The following SPP1 variants were observed in gnomAD, a reference collection of about 807,000 sequenced individuals.
The protein encoded by SPP1 is secreted phosphoprotein 1.
Under a neutral mutation model 20.8 loss-of-function variants are expected in SPP1, and 18 were observed. The ratio of observed to expected loss-of-function variants is 0.87; its 90% CI spans 0.60 to 1.29. The LOEUF (loss-of-function observed/expected upper bound fraction) is 1.29, where lower values mean the gene tolerates loss of function less well. SPP1 is among the 50% of genes most tolerant of loss of function. The probability of loss-of-function intolerance (pLI) is 0.00; values close to 1 mark genes in which losing one functional copy is unlikely to be tolerated. For synonymous variants in SPP1, 146 were observed against 141.5 expected (o/e 1.03, Z -0.23); for missense variants, 363 against 389.0 (o/e 0.93, Z 0.56).
chr4:87,982,486 A>C lies in SPP1; in HGVS notation c.541-6A>C, dbSNP rs557791334. ...ATAATTATTCTTCATTTGTGCCGTG[A>C]TTCAGTACCCTGATGCTACAGACGA... On this transcript the variant is annotated splice_region_variant and splice_polypyrimidine_tract_variant and intron_variant, in intron 6 of 6. Coordinates refer to ENST00000395080, the MANE Select transcript of SPP1 (RefSeq NM_001040058.2). The C allele has an allele frequency of 6.2e-7, 1 of 1,610,750 alleles. No homozygotes were observed. Among genetic ancestry groups the C allele is most frequent in the East Asian group, 2.2e-5 (1 of 44,804 alleles).
chr4:87,976,751 C>A, intron 1 of SPP1, 131 bp from the exon 2 acceptor site: 1 of 586,718 alleles, frequency 1.7e-6, no homozygotes, highest in Non-Finnish European at 2.9e-6. Context: ...GAAAAGGCAT[C>A]TCTAAGAAGT....
intron 3 of SPP1, among the ~76,000 whole-genome samples, chr4:87,979,787 AAT>A (rs552034411): frequency 4.6e-5 from 7 of 152,180 alleles, no homozygotes; most frequent in Non-Finnish European, 1.0e-4. Context: ...TGGGAATAAT[AAT>A]GATACCTATC....
chr4:87,976,728 A>G (rs2853750), intron 1 of SPP1, among the ~76,000 whole-genome samples, 154 bp from the exon 2 acceptor site: 8,873 of 152,276 alleles, frequency 0.058, 602 homozygotes, highest in East Asian at 0.36. Flanking sequence ...TTGAAAGACT[A>G]TAATACTAAA....
intron 3 of SPP1, chr4:87,977,940 C>T (rs1335936671): frequency 1.2e-6 from 1 of 862,028 alleles, no homozygotes. Context: ...AATAATAAAC[C>T]AGAAAAATTA....
chr4:87,976,044 C>T (rs183901525), intron 1 of SPP1, among the ~76,000 whole-genome samples: 1 of 152,110 alleles, frequency 6.6e-6, no homozygotes, highest in Non-Finnish European at 1.5e-5. Context: ...CGGAAACCAC[C>T]GATGCTAATC....
At chr4:87,982,142 A>T (rs1327409427) in intron 6 of SPP1, among the ~76,000 whole-genome samples, 1 of 152,170 alleles carries the variant, frequency 6.6e-6, no homozygotes, top group African/African-American at 2.4e-5. Flanking sequence ...GTTGCAAATT[A>T]CACTGAATCC....
chr4:87,981,302 A>G (rs1725628199), intron 5 of SPP1, among the ~76,000 whole-genome samples, 173 bp from the exon 6 acceptor site: 2 of 152,236 alleles, frequency 1.3e-5, no homozygotes, highest in African/African-American at 4.8e-5. Context: ...TCCCTGTGTT[A>G]AAAGAGAAAT....
chr4:87,977,751 G>C (rs1268079475), intron 3 of SPP1: 1 of 1,285,248 alleles, frequency 7.8e-7, no homozygotes, highest in South Asian at 1.2e-5. Context: ...TGGACAAAAA[G>C]GCACACAGAG....
chr4:87,976,886 A>G lies in SPP1; in HGVS notation c.-10A>G, dbSNP rs779017250. 18 of 1,612,108 alleles carry G rather than the reference A, an allele frequency of 1.1e-5. No individual in the cohort carries two copies. In the African/African-American group the frequency reaches 2.0e-4, roughly 18 times the overall value. On this transcript the variant is annotated 5_prime_UTR_variant, in exon 2 of 7. Coordinates refer to ENST00000395080, the MANE Select transcript of SPP1 (RefSeq NM_001040058.2). ...TCCTTATGAAATATTTTGCAGGAAA[A>G]CTCACTACCATGAGAATTGCAGTGA...
intron 5 of SPP1, chr4:87,980,711 T>G: frequency 2.4e-6 from 1 of 423,542 alleles, no homozygotes; most frequent in Non-Finnish European, 4.1e-6. Context: ...ATCTAATATC[T>G]AATAAGCATC....
At chr4:87,979,910 A>AC (rs2110068266) in intron 3 of SPP1, 136 bp from the exon 4 acceptor site, 1 of 790,066 alleles carries the variant, frequency 1.3e-6, no homozygotes, top group Non-Finnish European at 2.0e-6. Flanking sequence ...TCTGCAAAAA[A>AC]AAAAAAATTA....
At chr4:87,979,086 G>A (rs897802675) in intron 3 of SPP1, among the ~76,000 whole-genome samples, 6 of 151,892 alleles carry the variant, frequency 4.0e-5, no homozygotes, top group African/African-American at 1.5e-4. Context: ...TTTCTACATT[G>A]GCTGATAAGA....
At position 87,982,542 on chromosome 4, in the gene SPP1, G is replaced by C; in HGVS notation, c.591G>C (p.Glu197Asp). The C allele has an allele frequency of 1.2e-6, 2 of 1,614,172 alleles. No individual in the cohort carries two copies. The highest frequency in any genetic ancestry group is 8.5e-7 in the Non-Finnish European group (1 of 1,180,038). ...TCACCTCACACATGGAAAGCGAGGA[G>C]TTGAATGGTGCATACAAGGCCATCC... ...EDITSHMESE[E>D]LNGAYKAIPV... The change falls in exon 7 of 7, where the codon GAG becomes GAC. Residue 197 changes from glutamate to aspartate, a missense_variant. Physicochemically the swap from Glu to Asp is conservative, Grantham distance 45. Transcript: ENST00000395080.
chr4:87,977,253 C>T (rs1219770719), intron 3 of SPP1, among the ~76,000 whole-genome samples, 156 bp downstream of exon 3: 1 of 152,120 alleles, frequency 6.6e-6, no homozygotes, highest in African/African-American at 2.4e-5. Context: ...TAGGCCAGTA[C>T]CAAGCACAGT....
rs1280338839 is a variant in SPP1, at chr4:87,983,095, TCAGGGTTA to T, written c.*200_*207del. 1 of 565,394 alleles carries T rather than the reference TCAGGGTTA, an allele frequency of 1.8e-6. No homozygotes were observed. Among genetic ancestry groups the T allele is most frequent in the Non-Finnish European group, 3.1e-6 (1 of 327,484 alleles). 35.0% of individuals were successfully genotyped at this position (565,394 alleles called of 1,614,324 possible). On this transcript the variant is annotated 3_prime_UTR_variant, in exon 7 of 7. Transcript: ENST00000395080. ...GGAAACTCCCTGTAAACTAAAAGCTTCAGGGTTATGTCTATGTTCATTCTATAGAAGAA... is the reference window on the plus strand; with the variant it reads ...GGAAACTCCCTGTAAACTAAAAGCTTTGTCTATGTTCATTCTATAGAAGAA...
rs762262231 is a variant in SPP1 at position 87,981,842 on chromosome 4, C to G, written c.540+44C>G. The G allele has an allele frequency of 7.7e-6, 12 of 1,551,702 alleles. No individual in the cohort carries two copies. In the African/African-American group the frequency reaches 1.1e-4, roughly 14 times the overall value. ...ACACCTGATGGTTCTGACTAGCGCT[C>G]AAGTCTAGGAAACCACAGTTTGCAT... On this transcript the variant is annotated intron_variant, in intron 6 of 6. Transcript: ENST00000395080.
chr4:87,978,708 A>C (rs1174114126), intron 3 of SPP1, among the ~76,000 whole-genome samples: 3 of 151,926 alleles, frequency 2.0e-5, no homozygotes, highest in South Asian at 4.1e-4. Context: ...AAAGCAAGGA[A>C]CCCCTTCTTT....
chr4:87,977,183 C>A, intron 3 of SPP1, 86 bp downstream of exon 3: 2 of 1,314,170 alleles, frequency 1.5e-6, no homozygotes, highest in Non-Finnish European at 2.2e-6. Context: ...TGCGATATTA[C>A]TTATCTTCTC....
At position 87,981,741 on chromosome 4, in the gene SPP1, T is replaced by G. The variant is rs765949949; in HGVS notation, c.483T>G (p.Asp161Glu). Residue 161 changes from aspartate to glutamate, a missense_variant, in exon 6 of 7, where the codon GAT becomes GAG. Transcript: ENST00000395080. Reference sequence around the variant, plus strand: ...TAGACACATATGATGGCCGAGGTGATAGTGTGGTTTATGGACTGAGGTCAA... The same window carrying G: ...TAGACACATATGATGGCCGAGGTGAGAGTGTGGTTTATGGACTGAGGTCAA... The part of the protein sequence containing the change: ...PTVDTYDGRG[D>E]SVVYGLRSKS... 2 of 1,614,192 alleles carry G rather than the reference T, an allele frequency of 1.2e-6. No individual in the cohort carries two copies. Among genetic ancestry groups the G allele is most frequent in the East Asian group, 2.2e-5 (1 of 44,880 alleles).
Sources: allele counts gnomAD v4.1 joint callset (sites outside exome capture counted in the v4.1 genomes callset), GRCh38; gene constraint gnomAD v4.1.1; transcripts MANE v1.5; gene names NCBI Gene and HGNC (gene_info 2026-07-23, HGNC 2026-07-21).